The following NDRG2 variants were observed in gnomAD, a reference collection of about 807,000 sequenced individuals.
The protein encoded by NDRG2 is NDRG family member 2.
NDRG2 carries 34 observed loss-of-function variants against 58.2 expected under a neutral mutation model. The ratio of observed to expected loss-of-function variants is 0.58; its 90% CI spans 0.44 to 0.78. The LOEUF is 0.78. NDRG2 is among the 30% of genes least tolerant of loss of function. The probability of loss-of-function intolerance (pLI) is 0.00; values close to 1 mark genes in which losing one functional copy is unlikely to be tolerated. For synonymous variants in NDRG2, 187 were observed against 175.9 expected (o/e 1.06, Z -0.50); for missense variants, 434 against 471.2 (o/e 0.92, Z 0.73).
chr14:21,033,915 T>C (rs757881661), intron 1 of NDRG2: 7 of 1,613,596 alleles, frequency 4.3e-6, no homozygotes, highest in Non-Finnish European at 5.9e-6. Flanking sequence ...GGTGCTATTG[T>C]AGTAGCAGCT....
Position 21,017,649 on chromosome 14 carries a change from A to C in NDRG2, c.1063T>G (p.Ser355Ala). ...GGGGGCCCCGAAGAAAGAGTTCCAGACTCGCTGCTCTGGGACAGGGTGCGA... is the reference window on the plus strand; with the variant it reads ...GGGGGCCCCGAAGAAAGAGTTCCAGCCTCGCTGCTCTGGGACAGGGTGCGA... ...RSRTLSQSSE[S>A]GTLSSGPPGH... Residue 355 changes from serine (S) to alanine (A), a missense_variant, in exon 16 of 16, where the codon TCT becomes GCT. Transcript: ENST00000556147. 2.5e-6 allele frequency: 4 copies of C among 1,613,176 alleles called. No homozygotes were observed. Among genetic ancestry groups the C allele is most frequent in the Non-Finnish European group, 3.4e-6 (4 of 1,179,666 alleles).
chr14:21,018,726 C>T (rs1171704360), intron 12 of NDRG2, 37 bp downstream of exon 12: 1 of 1,613,392 alleles, frequency 6.2e-7, no homozygotes, highest in Non-Finnish European at 8.5e-7. Flanking sequence ...AGGACCCCAA[C>T]CCTCCTCCCT....
chr14:21,042,002 A>G (rs1884919138), intron 1 of NDRG2, among the ~76,000 whole-genome samples: 1 of 152,226 alleles, frequency 6.6e-6, no homozygotes. Flanking sequence ...TTAACACCAC[A>G]GTGATTGACT....
intron 1 of NDRG2, among the ~76,000 whole-genome samples, chr14:21,038,373 AATAC>A (rs1269489688): frequency 1.3e-5 from 2 of 152,254 alleles, no homozygotes; most frequent in African/African-American, 2.4e-5. Context: ...AGAGAAAAAT[AATAC>A]ATACACATGA....
intron 1 of NDRG2, among the ~76,000 whole-genome samples, chr14:21,046,707 T>C (rs1183664547): frequency 1.3e-5 from 2 of 152,136 alleles, no homozygotes; most frequent in East Asian, 1.9e-4. Flanking sequence ...TAACTACTAA[T>C]AGCCTATTGA....
chr14:21,020,458 C>A lies in NDRG2; in HGVS notation c.555+38G>T, dbSNP rs373810797. 50 of 1,559,694 alleles carry A rather than the reference C, an allele frequency of 3.2e-5. 1 individual carries two copies. In the Middle Eastern group the frequency reaches 6.7e-4, roughly 21 times the overall value. On this transcript the variant is annotated intron_variant, in intron 8 of 15. Transcript: ENST00000556147. ...CCTAACTGGATCCATACGAGGGGAT[C>A]CCCAACCGTAGGTCTCAGCACACAG...
At chr14:21,021,534 C>T (rs1594406735) in intron 6 of NDRG2, 6 of 447,368 alleles carry the variant, frequency 1.3e-5, no homozygotes, top group Non-Finnish European at 1.6e-5. Context: ...CCCTTTCATT[C>T]CTCCCTGACT....
intron 1 of NDRG2, among the ~76,000 whole-genome samples, chr14:21,044,911 A>C (rs1405661614): frequency 6.6e-6 from 1 of 152,182 alleles, no homozygotes; most frequent in African/African-American, 2.4e-5. Context: ...GCCAGACAGA[A>C]TCAGGTGTAA....
chr14:21,023,391 CCT>C, intron 1 of NDRG2, 70 bp from the exon 2 acceptor site: 1 of 1,364,728 alleles, frequency 7.3e-7, no homozygotes, highest in Non-Finnish European at 1.0e-6. Flanking sequence ...CACCAGGCTT[CCT>C]CTCTCAGCAC....
At chr14:21,051,380 C>T (rs566541594) in intron 1 of NDRG2, among the ~76,000 whole-genome samples, 68 of 152,254 alleles carry the variant, frequency 4.5e-4, no homozygotes, top group African/African-American at 1.5e-3. Flanking sequence ...GTTATGACCC[C>T]TATCATTCCT....
chr14:21,046,443 C>T (rs1375332319), intron 1 of NDRG2, among the ~76,000 whole-genome samples: 1 of 150,106 alleles, frequency 6.7e-6, no homozygotes, highest in Non-Finnish European at 1.5e-5. Context: ...ATCTCTTGAG[C>T]CCAGAAGGTT....
intron 1 of NDRG2, among the ~76,000 whole-genome samples, chr14:21,040,980 GTTGT>G (rs144685402): frequency 0.18 from 27,123 of 150,700 alleles, 2,567 homozygotes; most frequent in East Asian, 0.38. Context: ...GTTTTTTGTT[GTTGT>G]TTGTTTGTTT....
chr14:21,067,006 T>C (rs373156087), intron 1 of NDRG2, among the ~76,000 whole-genome samples: 6 of 152,174 alleles, frequency 3.9e-5, no homozygotes. Flanking sequence ...GGTCCTTCAT[T>C]AATTCCCCCT....
intron 1 of NDRG2, chr14:21,044,336 G>A (rs1885047250): frequency 6.5e-6 from 1 of 152,886 alleles, no homozygotes; most frequent in African/African-American, 2.4e-5. Context: ...CCTAGGCCCT[G>A]GACCTGGCTC....
intron 1 of NDRG2, among the ~76,000 whole-genome samples, chr14:21,050,892 C>A (rs976501974): frequency 9.9e-5 from 15 of 152,148 alleles, no homozygotes; most frequent in African/African-American, 3.6e-4. Flanking sequence ...CTGGGTGAAG[C>A]ATATAGGGGA....
At chr14:21,023,044 A>G in intron 2 of NDRG2, 139 bp from the exon 3 acceptor site, 1 of 1,106,526 alleles carries the variant, frequency 9.0e-7, no homozygotes, top group Admixed American at 2.0e-5. Context: ...AAAGAGAGAC[A>G]CGGAAAGGAT....
intron 15 of NDRG2, 104 bp from the exon 16 acceptor site, chr14:21,017,866 C>T (rs1877629724): frequency 1.2e-6 from 2 of 1,601,454 alleles, no homozygotes; most frequent in Non-Finnish European, 1.7e-6. Flanking sequence ...ATAACTAAGC[C>T]AGGGGATCAA....
Position 21,024,585 on chromosome 14 carries a change from C to T in NDRG2, c.-562G>A, listed in dbSNP as rs561452295. The T allele has an allele frequency of 4.7e-5, 46 of 985,470 alleles. No individual in the cohort carries two copies. In the South Asian group the frequency reaches 1.7e-3, roughly 37 times the overall value. 61.0% of individuals were successfully genotyped at this position (985,470 alleles called of 1,614,324 possible). ...AACACAAAGATTGGTGCCGTCGCTT[C>T]TCTCCTCTACTCAGTCTCCGTGTAG... On this transcript the variant is annotated 5_prime_UTR_variant, in exon 1 of 16. Coordinates refer to ENST00000556147, the MANE Select transcript of NDRG2 (RefSeq NM_001320329.2).
At chr14:21,051,724 T>C (rs998548536) in intron 1 of NDRG2, among the ~76,000 whole-genome samples, 4 of 152,196 alleles carry the variant, frequency 2.6e-5, no homozygotes, top group African/African-American at 7.2e-5. Flanking sequence ...CTGGATTCCA[T>C]GTGATGGAGC....
Sources: allele counts gnomAD v4.1 joint callset (sites outside exome capture counted in the v4.1 genomes callset), GRCh38; gene constraint gnomAD v4.1.1; transcripts MANE v1.5; gene names NCBI Gene and HGNC (gene_info 2026-07-23, HGNC 2026-07-21).